NRDE2: variants seen among roughly 807,000 people sequenced by gnomAD.
NRDE2 encodes NRDE-2, necessary for RNA interference, domain containing, also known as nuclear exosome regulator NRDE2.
Under a neutral mutation model 124.2 loss-of-function variants are expected in NRDE2, and 76 were observed. That is an observed-to-expected ratio of 0.61 (90% CI 0.51 to 0.74). The LOEUF (loss-of-function observed/expected upper bound fraction) is 0.74. Ranked by LOEUF, NRDE2 falls within the 30% of genes least tolerant of loss-of-function variation. The pLI, the probability that NRDE2 is intolerant of heterozygous loss-of-function variation, is 0.00. For synonymous variants in NRDE2, 489 were observed against 528.1 expected (o/e 0.93, Z 1.01); for missense variants, 1,314 against 1,417.3 (o/e 0.93, Z 1.17).
At chr14:90,279,197 A>T (rs1891886952) in intron 12 of NRDE2, 64 bp from the exon 13 acceptor site, 1 of 1,259,866 alleles carries the variant, frequency 7.9e-7, no homozygotes, top group Non-Finnish European at 1.2e-6. Flanking sequence ...GGCTACACAA[A>T]CGCCCCTGGA....
rs528016341 is a variant in NRDE2 at position 90,290,362 on chromosome 14, C to A, written c.2088G>T (p.Leu696Phe). The A allele has an allele frequency of 3.1e-6, 5 of 1,614,122 alleles. No homozygotes were observed. In the African/African-American group the frequency reaches 5.3e-5, roughly 17 times the overall value. ...GASCVGRMDR[L>F]GYPRWTRGQN... ...GACCCCTGGTCCAGCGAGGATAGCCCAACCTATCCATGCGGCCAACACAGC... is the reference window on the plus strand; with the variant it reads ...GACCCCTGGTCCAGCGAGGATAGCCAAACCTATCCATGCGGCCAACACAGC... The change falls in exon 10 of 14, where the codon TTG becomes TTT. Residue 696 changes from leucine (L) to phenylalanine (F), a missense_variant. Transcript: ENST00000354366.
intron 7 of NRDE2, among the ~76,000 whole-genome samples, chr14:90,300,992 T>C (rs868311747): frequency 1.4e-5 from 2 of 145,336 alleles, no homozygotes; most frequent in Non-Finnish European, 3.0e-5. Flanking sequence ...CTTTATGTTG[T>C]GAAGGAGGGG....
rs768169017 is a variant in NRDE2 at position 90,278,318 on chromosome 14, C to T, written c.*18G>A. The T allele has an allele frequency of 1.2e-6, 2 of 1,614,016 alleles. No homozygotes were observed. Among genetic ancestry groups the T allele is most frequent in the Admixed American group, 3.3e-5 (2 of 60,020 alleles). The stretch of plus-strand genomic sequence containing the variant: ...GGCAACTTGGCCTCGCAGGCACAGC[C>T]CGTTTTCCCGCTGCTCTCTAATCCT... On this transcript the variant is annotated 3_prime_UTR_variant, in exon 14 of 14. Coordinates refer to ENST00000354366, the MANE Select transcript of NRDE2 (RefSeq NM_017970.4).
At position 90,271,015 on chromosome 14, in the gene NRDE2, G is replaced by A. The variant is rs2139652642; in HGVS notation, c.*7321C>T. On this transcript the variant is annotated 3_prime_UTR_variant, in exon 14 of 14. Transcript: ENST00000354366. ...CCTAGAGAACTAGATGTCTCTGTTG[G>A]CAAGTAAAATCTATCTTCTTTTTTA... 6.6e-6 allele frequency: 1 copy of A among 151,966 alleles called. No homozygotes were observed. The highest frequency in any genetic ancestry group is 1.5e-5 in the Non-Finnish European group (1 of 67,986). The allele number at this position is 151,966 out of a possible 1,614,324, so 9.4% of individuals were successfully genotyped here. A position where few individuals can be genotyped will look rare whatever the true frequency, so the allele number is the denominator to read the frequency against.
intron 3 of NRDE2, among the ~76,000 whole-genome samples, chr14:90,313,189 C>T (rs1884913261): frequency 6.8e-6 from 1 of 147,764 alleles, no homozygotes; most frequent in African/African-American, 2.5e-5. Context: ...TGCAGTGGCG[C>T]CATCTCCGCT....
intron 3 of NRDE2, among the ~76,000 whole-genome samples, chr14:90,312,975 A>C (rs180858643): frequency 7.2e-5 from 11 of 152,312 alleles, no homozygotes; most frequent in Admixed American, 4.6e-4. Flanking sequence ...AAAGGTGACA[A>C]CACCAATAAT....
At position 90,298,246 on chromosome 14, in the gene NRDE2, G is replaced by A. The variant is rs1349699568; in HGVS notation, c.1666+14C>T. On this transcript the variant is annotated intron_variant, in intron 8 of 13. Transcript: ENST00000354366. ...AGAAACAGAAGTACACGTCTTCAAT[G>A]AGAGGTGACTTACCTGGGTTGATGA... is the stretch of plus-strand genomic sequence containing the variant. 1.2e-6 allele frequency: 2 copies of A among 1,612,158 alleles called. No homozygotes were observed. Among genetic ancestry groups the A allele is most frequent in the South Asian group, 2.2e-5 (2 of 91,020 alleles).
In NRDE2 at chr14:90,289,097, C is replaced by T. The variant is rs1566685765; in HGVS notation, c.2278G>A (p.Gly760Arg). The T allele has an allele frequency of 6.2e-7, 1 of 1,613,052 alleles. No homozygotes were observed. Reference sequence around the variant, plus strand: ...TTGGCTAGTTTTTTGCAGTTCTTCCCTTGAGACTTTAATCTCTTCTTGTTT... The same window carrying T: ...TTGGCTAGTTTTTTGCAGTTCTTCCTTTGAGACTTTAATCTCTTCTTGTTT... Reference protein sequence around the residue: ...TKNKKRLKSQGKNCKKLAKNL... With the variant: ...TKNKKRLKSQRKNCKKLAKNL... Residue 760 changes from glycine to arginine, a missense_variant, in exon 11 of 14, where the codon GGG becomes AGG. Physicochemically the swap from Gly to Arg is moderately radical, Grantham distance 125 (BLOSUM62 -2). Transcript: ENST00000354366.
intron 11 of NRDE2, among the ~76,000 whole-genome samples, chr14:90,287,454 C>CAAAAAAT (rs1892139208): frequency 6.6e-6 from 1 of 151,514 alleles, no homozygotes; most frequent in Admixed American, 6.6e-5. Context: ...CCCGTCTCTA[C>CAAAAAAT]AAAAAATAAA....
intron 13 of NRDE2, 132 bp from the exon 14 acceptor site, chr14:90,278,593 G>T: frequency 1.8e-6 from 2 of 1,127,434 alleles, no homozygotes; most frequent in Non-Finnish European, 2.5e-6. Context: ...GCTCCCCTTG[G>T]CTGAGACTTT....
intron 1 of NRDE2, among the ~76,000 whole-genome samples, chr14:90,323,408 T>A (rs1035301380): frequency 3.9e-5 from 6 of 152,184 alleles, no homozygotes; most frequent in Non-Finnish European, 7.3e-5. Context: ...AAGTTCTACA[T>A]CCATTCCCCT....
intron 4 of NRDE2, among the ~76,000 whole-genome samples, chr14:90,306,352 C>A (rs1884601510): frequency 6.6e-6 from 1 of 152,212 alleles, no homozygotes; most frequent in African/African-American, 2.4e-5. Flanking sequence ...CCAAACACAG[C>A]AAATTCCACT....
chr14:90,298,380 C>G lies in NRDE2; in HGVS notation c.1546G>C (p.Val516Leu). The change falls in exon 8 of 14, where the codon GTG (valine) becomes CTG (leucine). Residue 516 changes from valine to leucine, a missense_variant and splice_region_variant. By Grantham distance (32) the Val-to-Leu change is conservative (BLOSUM62 1). Coordinates refer to ENST00000354366, the MANE Select transcript of NRDE2 (RefSeq NM_017970.4). ...TCCCAAAAGGGTTCAAAGAATTCCACCTGTTCAGATTTTAGAATGGACGTT... is the reference window on the plus strand; with the variant it reads ...TCCCAAAAGGGTTCAAAGAATTCCAGCTGTTCAGATTTTAGAATGGACGTT... The part of the protein sequence containing the change: ...SVKDLPTKGQ[V>L]EFFEPFWDSG... 1.2e-6 allele frequency: 2 copies of G among 1,613,782 alleles called. No individual in the cohort carries two copies. The highest frequency in any genetic ancestry group is 1.7e-6 in the Non-Finnish European group (2 of 1,180,018).
intron 1 of NRDE2, among the ~76,000 whole-genome samples, chr14:90,328,046 G>A (rs1417387890): frequency 6.6e-6 from 1 of 152,016 alleles, no homozygotes; most frequent in Non-Finnish European, 1.5e-5. Context: ...GGGAGGCTGA[G>A]GCAGGAAAAT....
rs192403497 is a variant in NRDE2, at chr14:90,285,110, T to C, written c.3297+1244A>G. On this transcript the variant is annotated intron_variant, in intron 12 of 13. Coordinates refer to ENST00000354366, the MANE Select transcript of NRDE2 (RefSeq NM_017970.4). ...TCTGGCCAACATGGCAAAATTCTAT[T>C]TCTACTAAAAATGCAAAAATAAGCT... 2.4e-4 allele frequency among the ~76,000 whole-genome samples: 37 copies of C among 151,670 alleles called. 1 individual carries two copies. The highest frequency in any genetic ancestry group is 8.0e-4 in the African/African-American group (33 of 41,424).
chr14:90,298,141 T>G (rs1884248633), intron 8 of NRDE2, 119 bp downstream of exon 8: 3 of 1,095,194 alleles, frequency 2.7e-6, no homozygotes, highest in Non-Finnish European at 4.0e-6. Context: ...GACATTTTGA[T>G]GTTTGTGCAA....
At chr14:90,315,625 T>C (rs970723680) in intron 3 of NRDE2, among the ~76,000 whole-genome samples, 11 of 152,068 alleles carry the variant, frequency 7.2e-5, no homozygotes, top group African/African-American at 2.7e-4. Flanking sequence ...ACCTATGCTG[T>C]GGCCATTCTG....
rs1476291283 is a variant in NRDE2, at chr14:90,304,148, A to T, written c.792T>A (p.Pro264=). ...CCAGAGGATTCAACCAGGTTGTAAC[A>T]GGAGCCGCATCTTCCAAGTCCTTCA... ...IPVKDLEDAA[P]VTTWLNPLGI... The change falls in exon 5 of 14, where the codon CCT becomes CCA. Residue 264 remains proline, a synonymous_variant. Transcript: ENST00000354366. 1 of 1,614,100 alleles carries T rather than the reference A, an allele frequency of 6.2e-7. No homozygotes were observed.
At position 90,316,663 on chromosome 14, in the gene NRDE2, T is replaced by G. The variant is rs367803290; in HGVS notation, c.322A>C (p.Ser108Arg). 8 of 1,614,200 alleles carry G rather than the reference T, an allele frequency of 5.0e-6. No individual in the cohort carries two copies. The highest frequency in any genetic ancestry group is 5.9e-6 in the Non-Finnish European group (7 of 1,180,034). ...GAATCGGTGTCTGTCTCAGACCTGCTGCTACTCGACGGCCCATGCTTCCTC... is the reference window on the plus strand; with the variant it reads ...GAATCGGTGTCTGTCTCAGACCTGCGGCTACTCGACGGCCCATGCTTCCTC... ...TKRKHGPSSS[S>R]RSETDTDSEK... is the part of the protein sequence containing the mutation. The change falls in exon 3 of 14, where the codon AGC becomes CGC. Residue 108 changes from serine (S) to arginine (R), a missense_variant. Physicochemically the swap from Ser to Arg is moderately radical, Grantham distance 110 (BLOSUM62 -1). Transcript: ENST00000354366.
Sources: allele counts gnomAD v4.1 joint callset (sites outside exome capture counted in the v4.1 genomes callset), GRCh38; gene constraint gnomAD v4.1.1; transcripts MANE v1.5; gene names NCBI Gene and HGNC (gene_info 2026-07-23, HGNC 2026-07-21).